The following PLG variants were observed in gnomAD, a reference collection of about 807,000 sequenced individuals.
PLG encodes plasmin.
In PLG, 41 loss-of-function variants were observed where a neutral mutation model predicts 104.4. The observed-to-expected ratio is 0.39, with a 90% CI of 0.31 to 0.51. The LOEUF (loss-of-function observed/expected upper bound fraction) is 0.51. Among genes scored for constraint, PLG ranks in the 20% least tolerant of loss-of-function variants. PLG has a pLI of 0.76. For synonymous variants in PLG, 337 were observed against 357.1 expected (o/e 0.94, Z 0.63); for missense variants, 891 against 1,003.6 (o/e 0.89, Z 1.52).
rs769761322 is a variant in PLG at position 160,744,413 on chromosome 6, T to C, written c.2125+2996T>C. Among the ~76,000 whole-genome samples, 1 of 152,232 alleles carries C rather than the reference T, an allele frequency of 6.6e-6. No individual in the cohort carries two copies. The highest frequency in any genetic ancestry group is 1.5e-5 in the Non-Finnish European group (1 of 68,034). ...GAGGGTGTATGTGTCCAGGAATTTATCCATCTCTTTTAGGTTTTCTAGTTT... is the reference window on the plus strand; with the variant it reads ...GAGGGTGTATGTGTCCAGGAATTTACCCATCTCTTTTAGGTTTTCTAGTTT... On this transcript the variant is annotated intron_variant, in intron 17 of 18. Coordinates refer to ENST00000308192, the MANE Select transcript of PLG (RefSeq NM_000301.5). The surrounding 1 kb of genome is among the most constrained non-coding windows in gnomAD (Gnocchi z 4.5).
chr6:160,723,100 T>G lies in PLG; in HGVS notation c.1256+533T>G, dbSNP rs1030739906. Among the ~76,000 whole-genome samples, 10 of 151,060 alleles carry G rather than the reference T, an allele frequency of 6.6e-5. No homozygotes were observed. Among genetic ancestry groups the G allele is most frequent in the Non-Finnish European group, 1.3e-4 (9 of 67,878 alleles). ...CAAGTATACATATATAGTGTGTATA[T>G]ATATGTACACATATATGTGTGTATA... On this transcript the variant is annotated intron_variant, in intron 10 of 18. Coordinates refer to ENST00000308192, the MANE Select transcript of PLG (RefSeq NM_000301.5). This position sits in a 1 kb window ranked among gnomAD's most constrained non-coding sequence, Gnocchi z 4.7.
chr6:160,713,526 C>T (rs2115158783), intron 5 of PLG: 1 of 238,652 alleles, frequency 4.2e-6, no homozygotes, highest in Non-Finnish European at 8.4e-6. Context: ...GCCTCAGCCT[C>T]TCAAAGTGCT....
rs1384282999 is a variant in PLG, at chr6:160,741,167, C to CT, written c.2019-143dup. On this transcript the variant is annotated intron_variant, in intron 16 of 18. Transcript: ENST00000308192. This position sits in a 1 kb window ranked among gnomAD's most constrained non-coding sequence, Gnocchi z 4.7. ...CACAGGCAAATGTGAGGGTGAAACT[C>CT]TGTGTTCTACGTTGCTCTGTGTCAG... The CT allele has an allele frequency of 2.9e-6, 2 of 688,388 alleles. No individual in the cohort carries two copies. The highest frequency in any genetic ancestry group is 5.5e-6 in the Non-Finnish European group (2 of 365,946). The allele number at this position is 688,388 out of a possible 1,614,324, so 42.6% of individuals were successfully genotyped here.
At chr6:160,750,775 CGCAAA>C (rs966430928) in intron 17 of PLG, among the ~76,000 whole-genome samples, 72 of 152,218 alleles carry the variant, frequency 4.7e-4, no homozygotes, top group African/African-American at 1.7e-3. Context: ...GTGTCATGCT[CGCAAA>C]GCAAAGAGTT....
In PLG at chr6:160,707,806, G is replaced by T. The variant is rs1378508170; in HGVS notation, c.292G>T (p.Val98Leu). ...MRDVVLFEKKVYLSECKTGNG... is the reference protein window; with the variant it reads ...MRDVVLFEKKLYLSECKTGNG... ...AGATGTAGTTTTATTTGAAAAGAAA[G>T]GTGAGTACATTTTCTTCCTCCTCCT... is the stretch of plus-strand genomic sequence containing the variant. The change falls in exon 3 of 19, where the codon GTG becomes TTG. Residue 98 changes from valine to leucine, a missense_variant and splice_region_variant. By Grantham distance (32) the Val-to-Leu change is conservative. This residue lies in a region of PLG where 854 missense variants were observed against 932.1 expected (regional missense o/e 0.92). Coordinates refer to ENST00000308192, the MANE Select transcript of PLG (RefSeq NM_000301.5). 1 of 1,607,316 alleles carries T rather than the reference G, an allele frequency of 6.2e-7. No individual in the cohort carries two copies. The highest frequency in any genetic ancestry group is 8.5e-7 in the Non-Finnish European group (1 of 1,175,854).
intron 5 of PLG, 54 bp downstream of exon 5, chr6:160,713,179 A>G (rs1409822138): frequency 1.4e-6 from 2 of 1,407,512 alleles, no homozygotes; most frequent in Non-Finnish European, 1.0e-6. Context: ...CTGTAAAATA[A>G]TTTGTTGTAA....
In PLG at chr6:160,732,806, C is replaced by T. The variant is rs982201993; in HGVS notation, c.1587+913C>T. On this transcript the variant is annotated intron_variant, in intron 12 of 18. Transcript: ENST00000308192. This position sits in a 1 kb window ranked among gnomAD's most constrained non-coding sequence, Gnocchi z 4.5. ...GAGAAGGGGCTCAGAGTTTCCATGC[C>T]CTCTCCAGTGCACCAGCCCCCGGTA... Among the ~76,000 whole-genome samples, 7 of 152,098 alleles carry T rather than the reference C, an allele frequency of 4.6e-5. No individual in the cohort carries two copies. Among genetic ancestry groups the T allele is most frequent in the Admixed American group, 2.0e-4 (3 of 15,272 alleles).
intron 5 of PLG, among the ~76,000 whole-genome samples, chr6:160,714,109 G>A (rs1230042962): frequency 2.0e-5 from 3 of 152,096 alleles, no homozygotes; most frequent in African/African-American, 7.2e-5. Context: ...TATTAAGTCT[G>A]CCCGTTTTCC....
chr6:160,733,049 G>A (rs1410697242), intron 12 of PLG, among the ~76,000 whole-genome samples: 1 of 152,098 alleles, frequency 6.6e-6, no homozygotes, highest in Non-Finnish European at 1.5e-5. Context: ...CCCATCCTGA[G>A]ACTATCCAAG....
Position 160,748,445 on chromosome 6 carries a change from G to A in PLG, c.2126-3670G>A, listed in dbSNP as rs1366501097. On this transcript the variant is annotated intron_variant, in intron 17 of 18. Transcript: ENST00000308192. Reference sequence around the variant, plus strand: ...AAGAAAGAGAACGAAAGAAAGAAGGGAGGGAGGGAGGGAGGGAGGGAGGGA... The same window carrying A: ...AAGAAAGAGAACGAAAGAAAGAAGGAAGGGAGGGAGGGAGGGAGGGAGGGA... Among the ~76,000 whole-genome samples the A allele has an allele frequency of 1.2e-3, 37 of 29,800 alleles. 10 individuals carry two copies. The East Asian group carries it at 0.029, about 24-fold the overall frequency. The allele number at this position is 29,800 out of a possible 152,430, so 19.5% of individuals were successfully genotyped here.
intron 10 of PLG, 90 bp from the exon 11 acceptor site, chr6:160,730,961 A>G: frequency 7.7e-7 from 1 of 1,307,020 alleles, no homozygotes; most frequent in Non-Finnish European, 1.1e-6. Flanking sequence ...GCCACTTGTT[A>G]ACACTTTGTT....
In PLG at chr6:160,737,057, G is replaced by A; in HGVS notation, c.1802+50G>A. 6.2e-7 allele frequency: 1 copy of A among 1,608,250 alleles called. No homozygotes were observed. ...TATACTGTCCCTCCACGTAAGCCCT[G>A]CAAAACCCTTCTACATTTACATAAA... is the stretch of plus-strand genomic sequence containing the variant. On this transcript the variant is annotated intron_variant, in intron 14 of 18. Transcript: ENST00000308192. The surrounding 1 kb of genome is among the most constrained non-coding windows in gnomAD (Gnocchi z 4.7).
Position 160,741,352 on chromosome 6 carries a change from C to T in PLG, c.2060C>T (p.Pro687Leu). The T allele has an allele frequency of 1.9e-6, 3 of 1,613,136 alleles. No individual in the cohort carries two copies. The highest frequency in any genetic ancestry group is 2.5e-6 in the Non-Finnish European group (3 of 1,179,036). Residue 687 changes from proline (P) to leucine (L), a missense_variant, in exon 17 of 19, where the codon CCA (proline) becomes CTA (leucine). By Grantham distance (98) the Pro-to-Leu change is moderately conservative. Around this residue, in one of 2 missense-constraint regions of PLG, gnomAD observed 854 missense variants for 932.1 expected, o/e 0.92. Transcript: ENST00000308192. The surrounding 1 kb of genome is among the most constrained non-coding windows in gnomAD (Gnocchi z 4.7). ...ITDKVIPACL[P>L]SPNYVVADRT... ...GACAAAGTAATCCCAGCTTGTCTGC[C>T]ATCCCCAAATTATGTGGTCGCTGAC...
Position 160,738,620 on chromosome 6 carries a change from T to C in PLG, c.1877+8T>C, listed in dbSNP as rs772703579. On this transcript the variant is annotated splice_region_variant and intron_variant, in intron 15 of 18. Coordinates refer to ENST00000308192, the MANE Select transcript of PLG (RefSeq NM_000301.5). The surrounding 1 kb of genome is among the most constrained non-coding windows in gnomAD (Gnocchi z 6.8). ...TGCCCACTGCTTGGAGAAGTATGTT[T>C]AGGGGACAATTGACATGAAGTCTTG... is the stretch of plus-strand genomic sequence containing the variant. 1.3e-6 allele frequency: 2 copies of C among 1,558,146 alleles called. No individual in the cohort carries two copies. Among genetic ancestry groups the C allele is most frequent in the East Asian group, 2.2e-5 (1 of 44,612 alleles).
rs140156715 is a variant in PLG, at chr6:160,723,278, G to A, written c.1256+711G>A. 3.9e-5 allele frequency among the ~76,000 whole-genome samples: 6 copies of A among 152,182 alleles called. No individual in the cohort carries two copies. In the East Asian group the frequency reaches 5.8e-4, roughly 15 times the overall value. ...GACATGAAGAACAAAAGCAGGATACGCAGATGCTGAACAGCGAAAGAGGCC... is the reference window on the plus strand; with the variant it reads ...GACATGAAGAACAAAAGCAGGATACACAGATGCTGAACAGCGAAAGAGGCC... On this transcript the variant is annotated intron_variant, in intron 10 of 18. Transcript: ENST00000308192. This position sits in a 1 kb window ranked among gnomAD's most constrained non-coding sequence, Gnocchi z 4.7.
At chr6:160,716,063 T>G (rs769178330) in intron 6 of PLG, among the ~76,000 whole-genome samples, 38 of 152,312 alleles carry the variant, frequency 2.5e-4, no homozygotes, top group Non-Finnish European at 4.3e-4. Flanking sequence ...GCTTCAAGGC[T>G]GGTGGGAGCA....
chr6:160,749,248 C>T (rs953799940), intron 17 of PLG, among the ~76,000 whole-genome samples: 2 of 152,072 alleles, frequency 1.3e-5, no homozygotes, highest in Non-Finnish European at 2.9e-5. Flanking sequence ...AAGATTATGC[C>T]TCATGATCAT....
chr6:160,713,912 C>T (rs1777689176), intron 5 of PLG, among the ~76,000 whole-genome samples: 1 of 152,140 alleles, frequency 6.6e-6, no homozygotes, highest in South Asian at 2.1e-4. Context: ...GTCATCGTTT[C>T]ACATTTCTGG....
At position 160,722,579 on chromosome 6, in the gene PLG, A is replaced by G. The variant is rs770488932; in HGVS notation, c.1256+12A>G. The G allele has an allele frequency of 6.2e-7, 1 of 1,611,942 alleles. No individual in the cohort carries two copies. The highest frequency in any genetic ancestry group is 1.3e-5 in the African/African-American group (1 of 74,970). On this transcript the variant is annotated intron_variant, in intron 10 of 18. Transcript: ENST00000308192. The stretch of plus-strand genomic sequence containing the variant: ...AACTACCCAAATGCGTATGTCTTTG[A>G]TTTTTACTGTAAGAGGGGCATCAGC...
Sources: allele counts gnomAD v4.1 joint callset (sites outside exome capture counted in the v4.1 genomes callset), GRCh38; gene constraint gnomAD v4.1.1; regional missense constraint gnomAD v4.1.1; non-coding constraint Gnocchi (gnomAD v3.1); transcripts MANE v1.5; gene names NCBI Gene and HGNC (gene_info 2026-07-23, HGNC 2026-07-21).